Variants in AKAP13 observed in about 807,000 individuals in gnomAD.
AKAP13 encodes A-kinase anchor protein 13.
Under a neutral mutation model 264.5 loss-of-function variants are expected in AKAP13, and 80 were observed. The observed-to-expected ratio is 0.30, with a 90% confidence interval of 0.25 to 0.36. AKAP13 has a LOEUF of 0.36. AKAP13 is among the 10% of genes least tolerant of loss of function. AKAP13 has a pLI of 1.00. For synonymous variants in AKAP13, 1,380 were observed against 1,250.2 expected, an observed-to-expected ratio of 1.10 and a Z score of -2.19; for missense variants, 3,712 against 3,435.2, an observed-to-expected ratio of 1.08 and a Z score of -2.01.
Position 85,382,120 on chromosome 15 carries a change from G to C in AKAP13, c.-12+1322G>C, listed in dbSNP as rs549283598. On this transcript the variant is annotated intron_variant, in intron 1 of 36. Coordinates refer to ENST00000394518, the MANE Select transcript of AKAP13 (RefSeq NM_007200.5). ...ATTATATGAACATGATTCTGTTTCA[G>C]TTCCCCAGATGGAACTAGCTTAAAT... The C allele has an allele frequency of 7.9e-5, 12 of 152,352 alleles. No individual in the cohort carries two copies. In the East Asian group the frequency reaches 1.9e-3, roughly 24 times the overall value. The allele number at this position is 152,352 out of a possible 1,614,324, so 9.4% of individuals were successfully genotyped here.
intron 1 of AKAP13, among the ~76,000 whole-genome samples, chr15:85,475,456 C>T (rs952435963): frequency 3.3e-5 from 5 of 152,206 alleles, no homozygotes; most frequent in African/African-American, 1.2e-4. Flanking sequence ...CAGGAAACCA[C>T]AAGCCTGTGT....
In AKAP13 at chr15:85,718,902, AAAAAAAC is replaced by A. The variant is rs1429474414; in HGVS notation, c.6002-167_6002-161del. The A allele has an allele frequency of 5.6e-5, 51 of 906,062 alleles. No homozygotes were observed. Among genetic ancestry groups the A allele is most frequent in the African/African-American group, 1.5e-4 (9 of 59,144 alleles). 56.1% of individuals were successfully genotyped at this position (906,062 alleles called of 1,614,324 possible). ...TGACAGAGCCAGAACCTGTCTTAAAAAAAAAACAAAAAAACAAAAAAACGAGAACACT... is the reference window on the plus strand; with the variant it reads ...TGACAGAGCCAGAACCTGTCTTAAAAAAAAAAACAAAAAAACGAGAACACT... On this transcript the variant is annotated intron_variant, in intron 22 of 36. Coordinates refer to ENST00000394518, the MANE Select transcript of AKAP13 (RefSeq NM_007200.5). The surrounding 1 kb of genome is among the most constrained non-coding windows in gnomAD (Gnocchi z 4.9).
At chr15:85,545,663 T>C (rs2077709984) in intron 5 of AKAP13, among the ~76,000 whole-genome samples, 1 of 152,100 alleles carries the variant, frequency 6.6e-6, no homozygotes, top group South Asian at 2.1e-4. Flanking sequence ...GTTGTGAAGC[T>C]TAGAAAAAGT....
chr15:85,686,025 C>T (rs758407381), intron 16 of AKAP13, among the ~76,000 whole-genome samples: 4 of 152,186 alleles, frequency 2.6e-5, no homozygotes, highest in South Asian at 2.1e-4. Flanking sequence ...ATTTCAAGTC[C>T]GTGGGGAAAA....
intron 1 of AKAP13, among the ~76,000 whole-genome samples, chr15:85,481,511 T>C (rs1418553054): frequency 2.0e-5 from 3 of 152,204 alleles, no homozygotes; most frequent in South Asian, 4.1e-4. Flanking sequence ...ATGTGTCTCT[T>C]TTATACAGCA....
chr15:85,422,122 T>C (rs566477519), intron 1 of AKAP13, among the ~76,000 whole-genome samples: 1 of 152,354 alleles, frequency 6.6e-6, no homozygotes, highest in Admixed American at 6.5e-5. Flanking sequence ...ATAATTACCA[T>C]GTACCAACTA....
chr15:85,735,680 A>G (rs768145631), intron 32 of AKAP13, 50 bp downstream of exon 32: 2 of 1,512,970 alleles, frequency 1.3e-6, no homozygotes. Context: ...TTTCCTCTGA[A>G]TTCATAACCT....
At chr15:85,485,239 C>T (rs889059738) in intron 1 of AKAP13, among the ~76,000 whole-genome samples, 12 of 152,158 alleles carry the variant, frequency 7.9e-5, no homozygotes, top group African/African-American at 2.9e-4. Context: ...AAGCTGTAGC[C>T]TCCCTTCTCA....
At chr15:85,562,590 T>A (rs866745387) in intron 5 of AKAP13, among the ~76,000 whole-genome samples, 8,718 of 116,372 alleles carry the variant, frequency 0.075, 621 homozygotes, top group East Asian at 0.3. Flanking sequence ...TATATATATA[T>A]ATATATATAT....
rs1411323286 is a variant in AKAP13 at position 85,719,191 on chromosome 15, C to A, written c.6117C>A (p.Phe2039Leu). Reference protein sequence around the residue: ...LFEQQMVEKLFPCLDELISIH... With the variant: ...LFEQQMVEKLLPCLDELISIH... The stretch of plus-strand genomic sequence containing the variant: ...AGCAGCAGATGGTAGAAAAGCTGTT[C>A]CCCTGTTTGGATGAGCTGATCAGTA... The change falls in exon 23 of 37, where the codon TTC becomes TTA. Residue 2039 changes from phenylalanine (F) to leucine (L), a missense_variant. Phe to Leu is a conservative substitution (Grantham distance 22, BLOSUM62 0). Coordinates refer to ENST00000394518, the MANE Select transcript of AKAP13 (RefSeq NM_007200.5). 1 of 1,614,002 alleles carries A rather than the reference C, an allele frequency of 6.2e-7. No homozygotes were observed. Among genetic ancestry groups the A allele is most frequent in the Non-Finnish European group, 8.5e-7 (1 of 1,180,038 alleles).
At chr15:85,443,644 A>T (rs1432899705) in intron 1 of AKAP13, among the ~76,000 whole-genome samples, 1 of 152,144 alleles carries the variant, frequency 6.6e-6, no homozygotes, top group East Asian at 1.9e-4. Flanking sequence ...ACAGCATTAT[A>T]ATCTTATGTG....
At chr15:85,596,530 CCCA>C (rs2079833293) in intron 8 of AKAP13, among the ~76,000 whole-genome samples, 1 of 151,926 alleles carries the variant, frequency 6.6e-6, no homozygotes, top group African/African-American at 2.4e-5. Context: ...GCTGCGGTGA[CCCA>C]TGATTATGCC....
At chr15:85,577,976 C>T (rs1295670335) in intron 6 of AKAP13, 1 of 246,530 alleles carries the variant, frequency 4.1e-6, no homozygotes, top group Middle Eastern at 2.1e-3. Flanking sequence ...AGACTCTGCC[C>T]TTCTGAAGAC....
At chr15:85,502,778 C>T (rs928810902) in intron 2 of AKAP13, among the ~76,000 whole-genome samples, 11 of 152,046 alleles carry the variant, frequency 7.2e-5, no homozygotes, top group African/African-American at 2.4e-4. Flanking sequence ...GCTGGTTTAC[C>T]GTTAAAATTA....
At position 85,582,979 on chromosome 15, in the gene AKAP13, C is replaced by T. The variant is rs765806079; in HGVS notation, c.4039+872C>T. The T allele has an allele frequency of 2.3e-5, 23 of 985,262 alleles. No homozygotes were observed. The East Asian group carries it at 3.4e-4, about 15-fold the overall frequency. 61.0% of individuals were successfully genotyped at this position (985,262 alleles called of 1,614,324 possible). Reference sequence around the variant, plus strand: ...CAGCAAAGAGAAACCGCTATTGCTCCGTGGAAATAAACTATCTGAATAAAA... The same window carrying T: ...CAGCAAAGAGAAACCGCTATTGCTCTGTGGAAATAAACTATCTGAATAAAA... On this transcript the variant is annotated intron_variant, in intron 7 of 36. Transcript: ENST00000394518.
In AKAP13 at chr15:85,605,284, G is replaced by C. The variant is rs187748588; in HGVS notation, c.4161+19461G>C. Among the ~76,000 whole-genome samples the C allele has an allele frequency of 1.1e-3, 175 of 152,338 alleles. 1 individual carries two copies. The highest frequency in any genetic ancestry group is 4.0e-3 in the African/African-American group (165 of 41,576). On this transcript the variant is annotated intron_variant, in intron 8 of 36. Coordinates refer to ENST00000394518, the MANE Select transcript of AKAP13 (RefSeq NM_007200.5). ...TTGTAGAACATTCATATAAATTCCA[G>C]AGGGAGATATTTGCACACTTAGAAA...
intron 2 of AKAP13, among the ~76,000 whole-genome samples, chr15:85,521,108 GC>G (rs1364637800): frequency 6.6e-6 from 1 of 152,012 alleles, no homozygotes; most frequent in Non-Finnish European, 1.5e-5. Flanking sequence ...GTCTCCCCCT[GC>G]CCCTCCCCTT....
chr15:85,389,917 T>C (rs1217296874), intron 1 of AKAP13: 1 of 152,256 alleles, frequency 6.6e-6, no homozygotes, highest in Non-Finnish European at 1.5e-5. Context: ...AAATGCTTGC[T>C]TTTGCGTTTT....
At position 85,723,018 on chromosome 15, in the gene AKAP13, T is replaced by A. The variant is rs1477038652; in HGVS notation, c.6497-54T>A. 1.4e-5 allele frequency: 22 copies of A among 1,588,668 alleles called. 1 individual carries two copies. In the East Asian group the frequency reaches 4.9e-4, roughly 36 times the overall value. On this transcript the variant is annotated intron_variant, in intron 25 of 36. Coordinates refer to ENST00000394518, the MANE Select transcript of AKAP13 (RefSeq NM_007200.5). Reference sequence around the variant, plus strand: ...AGTGAGAAGTCAGGATTCCCTTGCTTCTGCCCTTGTCCAAAAAGAGCCATA... The same window carrying A: ...AGTGAGAAGTCAGGATTCCCTTGCTACTGCCCTTGTCCAAAAAGAGCCATA...
Sources: allele counts gnomAD v4.1 joint callset (sites outside exome capture counted in the v4.1 genomes callset), GRCh38; gene constraint gnomAD v4.1.1; non-coding constraint Gnocchi (gnomAD v3.1); transcripts MANE v1.5; gene names NCBI Gene and HGNC (gene_info 2026-07-23, HGNC 2026-07-21).